Variants in DNAAF1 observed in about 807,000 individuals in gnomAD.
The protein encoded by DNAAF1 is dynein axonemal assembly factor 1.
DNAAF1 carries 65 observed loss-of-function variants against 71.1 expected under a neutral mutation model. That is an observed-to-expected ratio of 0.91 (90% CI 0.75 to 1.12). The LOEUF (loss-of-function observed/expected upper bound fraction) is 1.12. Among genes scored for constraint, DNAAF1 ranks in the 50% most tolerant of loss-of-function variants. The pLI, the probability that DNAAF1 is intolerant of heterozygous loss-of-function variation, is 0.00. For synonymous variants in DNAAF1, 414 were observed against 354.6 expected (o/e 1.17, Z -1.88); for missense variants, 1,178 against 899.8 (o/e 1.31, Z -3.96).
At chr16:84,167,367 C>T (rs1420320435) in intron 7 of DNAAF1, among the ~76,000 whole-genome samples, 1 of 152,072 alleles carries the variant, frequency 6.6e-6, no homozygotes, top group Non-Finnish European at 1.5e-5. Context: ...GGGGGTTTTC[C>T]AGAAGCTCCA....
rs1567570032 is a variant in DNAAF1 at position 84,176,038 on chromosome 16, ACT to A, written c.1807_1808del (p.Leu603ValfsTer8). The A allele has an allele frequency of 6.2e-7, 1 of 1,613,998 alleles. No individual in the cohort carries two copies. Among genetic ancestry groups the A allele is most frequent in the Non-Finnish European group, 8.5e-7 (1 of 1,179,986 alleles). ...TGTGCTGGAAAACCTCCCCACAGAC[ACT>A]CTGTCAAATATATTTGCAGTCTCTA... ...LPVLENLPTD[T>X]LSNIFAVSKD... On this transcript the variant is annotated frameshift_variant, in exon 11 of 12. Transcript: ENST00000378553. LOFTEE classifies it high-confidence loss of function.
At chr16:84,150,201 T>C (rs766448671) in intron 2 of DNAAF1, 50 bp from the exon 3 acceptor site, 2 of 1,392,934 alleles carry the variant, frequency 1.4e-6, no homozygotes, top group African/African-American at 2.8e-5. Flanking sequence ...GAATATGTTT[T>C]ACAGCTGACA....
At chr16:84,171,656 C>T (rs985763309) in intron 8 of DNAAF1, among the ~76,000 whole-genome samples, 4 of 152,166 alleles carry the variant, frequency 2.6e-5, no homozygotes, top group Non-Finnish European at 4.4e-5. Context: ...CTGAGCGAGT[C>T]GCCCCTGCTG....
At chr16:84,166,848 G>A (rs1240503994) in intron 7 of DNAAF1, among the ~76,000 whole-genome samples, 1 of 152,240 alleles carries the variant, frequency 6.6e-6, no homozygotes, top group Admixed American at 6.5e-5. Context: ...GCTGCTGAAA[G>A]TAGGAAAACT....
intron 11 of DNAAF1, 39 bp from the exon 12 acceptor site, chr16:84,177,690 G>C: frequency 6.4e-7 from 1 of 1,550,988 alleles, no homozygotes; most frequent in Non-Finnish European, 8.9e-7. Context: ...TGCAGTCACA[G>C]TGACAGGGAG....
At chr16:84,154,990 G>C (rs1311689774) in intron 4 of DNAAF1, among the ~76,000 whole-genome samples, 192 bp downstream of exon 4, 3 of 150,972 alleles carry the variant, frequency 2.0e-5, no homozygotes, top group African/African-American at 7.3e-5. Context: ...CTCACTGCAA[G>C]CTCTGCCTCC....
chr16:84,171,793 G>A (rs1018619988), intron 8 of DNAAF1, among the ~76,000 whole-genome samples: 5 of 152,106 alleles, frequency 3.3e-5, no homozygotes, highest in South Asian at 4.2e-4. Context: ...CAGCCGTTCC[G>A]TTCTTTTTCC....
intron 3 of DNAAF1, among the ~76,000 whole-genome samples, chr16:84,152,875 T>G (rs1318210023): frequency 6.6e-6 from 1 of 151,718 alleles, no homozygotes; most frequent in Admixed American, 6.6e-5. Flanking sequence ...GAGAATCACT[T>G]GAACTCAGGA....
At chr16:84,175,570 T>C (rs573070266) in intron 10 of DNAAF1, 5 of 301,724 alleles carry the variant, frequency 1.7e-5, no homozygotes, top group Non-Finnish European at 3.2e-5. Flanking sequence ...ACACAGTTAC[T>C]GTGGGGGGCC....
At chr16:84,155,896 G>C in intron 5 of DNAAF1, 147 bp downstream of exon 5, 1 of 1,104,478 alleles carries the variant, frequency 9.1e-7, no homozygotes, top group Non-Finnish European at 1.3e-6. Context: ...TTTTTAGCTG[G>C]AGTATCTGAA....
chr16:84,145,382 G>C lies in DNAAF1; in HGVS notation c.-59G>C. 6.4e-7 allele frequency: 1 copy of C among 1,554,488 alleles called. No individual in the cohort carries two copies. Among genetic ancestry groups the C allele is most frequent in the South Asian group, 1.2e-5 (1 of 84,512 alleles). The stretch of plus-strand genomic sequence containing the variant: ...CTGGCTGGGCTGGGGCCGTAGCGAC[G>C]TCCGCCGCGAACCTGGGCCCCCCAA... On this transcript the variant is annotated 5_prime_UTR_variant, in exon 1 of 12. Coordinates refer to ENST00000378553, the MANE Select transcript of DNAAF1 (RefSeq NM_178452.6).
Position 84,174,690 on chromosome 16 carries a change from G to C in DNAAF1, c.1666G>C (p.Asp556His), listed in dbSNP as rs376368762. The change falls in exon 10 of 12, where the codon GAT becomes CAT. Residue 556 changes from aspartate (D) to histidine (H), a missense_variant. Physicochemically the swap from Asp to His is moderately conservative, Grantham distance 81. Transcript: ENST00000378553. Reference sequence around the variant, plus strand: ...TCAGGACCTACCTGACTTGGAAGATGATGATGAAACAGGCAAATCTCTGGA... The same window carrying C: ...TCAGGACCTACCTGACTTGGAAGATCATGATGAAACAGGCAAATCTCTGGA... The part of the protein sequence containing the change: ...CIDDLPDLED[D>H]DETGKSLEDQ... 1 of 1,614,180 alleles carries C rather than the reference G, an allele frequency of 6.2e-7. No homozygotes were observed. Among genetic ancestry groups the C allele is most frequent in the Non-Finnish European group, 8.5e-7 (1 of 1,180,042 alleles).
At position 84,154,594 on chromosome 16, in the gene DNAAF1, A is replaced by G; in HGVS notation, c.370A>G (p.Asn124Asp). ...TTTGTTAGGTTTTGATCGCATTGAG[A>G]ACCTGGAAGAGTACACAGGGCTGCG... ...LHFKGFDRIE[N>D]LEEYTGLRCL... is the part of the protein sequence containing the mutation. The change falls in exon 4 of 12, where the codon AAC becomes GAC. Residue 124 changes from asparagine to aspartate, a missense_variant. Asn to Asp is a conservative substitution (Grantham distance 23, BLOSUM62 1). Coordinates refer to ENST00000378553, the MANE Select transcript of DNAAF1 (RefSeq NM_178452.6). The G allele has an allele frequency of 6.2e-7, 1 of 1,614,140 alleles. No homozygotes were observed. Among genetic ancestry groups the G allele is most frequent in the Non-Finnish European group, 8.5e-7 (1 of 1,180,030 alleles).
intron 10 of DNAAF1, 153 bp from the exon 11 acceptor site, chr16:84,175,780 C>T: frequency 3.0e-6 from 3 of 988,422 alleles, no homozygotes; most frequent in East Asian, 4.8e-5. Flanking sequence ...CCAGGCCTAA[C>T]TTTCAGAGTC....
chr16:84,161,823 C>G (rs767905802), intron 6 of DNAAF1, among the ~76,000 whole-genome samples: 3 of 152,022 alleles, frequency 2.0e-5, no homozygotes, highest in Non-Finnish European at 2.9e-5. Flanking sequence ...CTTGATGTCT[C>G]TTCGGCCTGA....
intron 6 of DNAAF1, among the ~76,000 whole-genome samples, chr16:84,163,315 C>G (rs1418472711): frequency 6.6e-6 from 1 of 151,904 alleles, no homozygotes; most frequent in Non-Finnish European, 1.5e-5. Flanking sequence ...AGGAAGGTTC[C>G]AATTTTCCCG....
intron 6 of DNAAF1, among the ~76,000 whole-genome samples, chr16:84,164,963 C>T (rs1201015099): frequency 6.6e-6 from 1 of 152,122 alleles, no homozygotes; most frequent in Non-Finnish European, 1.5e-5. Context: ...ATCTTGTAGC[C>T]ATATCATGTT....
chr16:84,150,200 T>C, intron 2 of DNAAF1, 51 bp from the exon 3 acceptor site: 1 of 1,390,956 alleles, frequency 7.2e-7, no homozygotes, highest in South Asian at 1.2e-5. Context: ...AGAATATGTT[T>C]TACAGCTGAC....
At chr16:84,160,936 CAAAAA>C (rs994477404) in intron 6 of DNAAF1, among the ~76,000 whole-genome samples, 5 of 67,496 alleles carry the variant, frequency 7.4e-5, no homozygotes, top group African/African-American at 1.1e-4. Context: ...GACTCCGTCT[CAAAAA>C]AAAAAAAAAA....
Sources: allele counts gnomAD v4.1 joint callset (sites outside exome capture counted in the v4.1 genomes callset), GRCh38; gene constraint gnomAD v4.1.1; transcripts MANE v1.5; gene names NCBI Gene and HGNC (gene_info 2026-07-23, HGNC 2026-07-21).